KAZN: variants seen among roughly 807,000 people sequenced by gnomAD.
The protein encoded by KAZN is kazrin.
Under a neutral mutation model 87.4 loss-of-function variants are expected in KAZN, and 40 were observed. That is an observed-to-expected ratio of 0.46 (90% CI 0.36 to 0.60). The LOEUF (loss-of-function observed/expected upper bound fraction) is 0.60. KAZN is among the 20% of genes least tolerant of loss of function. The pLI is 0.00. For missense variants in KAZN, 898 were observed against 1,073.9 expected, an observed-to-expected ratio of 0.84 and a Z score of 2.29; for synonymous variants, 466 against 458.3, an observed-to-expected ratio of 1.02 and a Z score of -0.22.
chr1:15,076,487 CAT>C (rs2100611882), intron 8 of KAZN, among the ~76,000 whole-genome samples: 1 of 152,300 alleles, frequency 6.6e-6, no homozygotes, highest in East Asian at 1.9e-4. Context: ...GGAGATAAAA[CAT>C]ATTGGCTGTT....
intron 2 of KAZN, among the ~76,000 whole-genome samples, chr1:14,387,889 A>G (rs996019000): frequency 6.6e-6 from 1 of 152,188 alleles, no homozygotes; most frequent in Non-Finnish European, 1.5e-5. Context: ...AAGCCTGGGC[A>G]ATGGCGGGCG....
At chr1:13,952,697 G>A (rs2101001188) in intron 1 of KAZN, among the ~76,000 whole-genome samples, 1 of 152,174 alleles carries the variant, frequency 6.6e-6, no homozygotes, top group East Asian at 1.9e-4. Flanking sequence ...CAACCTGTGT[G>A]CACACAGACG....
intron 1 of KAZN, chr1:14,946,217 C>G (rs895568990): frequency 6.6e-6 from 1 of 152,076 alleles, no homozygotes; most frequent in South Asian, 2.1e-4. Context: ...TTGCCGGAAA[C>G]GCCCACTAGG....
At chr1:14,416,083 C>CA (rs1453784861) in intron 2 of KAZN, among the ~76,000 whole-genome samples, 2 of 152,198 alleles carry the variant, frequency 1.3e-5, no homozygotes, top group African/African-American at 4.8e-5. Flanking sequence ...TCTCCTGCTT[C>CA]ATGAACTTAA....
At chr1:14,307,250 G>A (rs572616813) in intron 2 of KAZN, among the ~76,000 whole-genome samples, 1 of 152,144 alleles carries the variant, frequency 6.6e-6, no homozygotes, top group East Asian at 1.9e-4. Context: ...CTCTGCCTTG[G>A]GCATGACTTA....
At chr1:14,406,097 T>C (rs1381062327) in intron 2 of KAZN, among the ~76,000 whole-genome samples, 1 of 152,122 alleles carries the variant, frequency 6.6e-6, no homozygotes, top group African/African-American at 2.4e-5. Flanking sequence ...ACATAAAGAA[T>C]GTAATTGGCT....
chr1:14,070,099 A>C (rs1191716083), intron 1 of KAZN, among the ~76,000 whole-genome samples: 2 of 147,316 alleles, frequency 1.4e-5, no homozygotes, highest in East Asian at 4.2e-4. Context: ...AACCTGAGAA[A>C]CGGAGGTTGC....
At chr1:13,951,623 G>GATAATAATA (rs6143132) in intron 1 of KAZN, among the ~76,000 whole-genome samples, 57 of 148,498 alleles carry the variant, frequency 3.8e-4, no homozygotes, top group East Asian at 1.4e-3. Flanking sequence ...CTAAAATGGA[G>GATAATAATA]ATAATAATAA....
chr1:14,144,016 C>T (rs1645294875), intron 1 of KAZN, among the ~76,000 whole-genome samples: 1 of 152,080 alleles, frequency 6.6e-6, no homozygotes, highest in Non-Finnish European at 1.5e-5. Context: ...CCGCACCTGG[C>T]CAACTAGTTT....
At position 14,180,459 on chromosome 1, in the gene KAZN, A is replaced by G. The variant is rs1210719282; in HGVS notation, c.116A>G (p.Asn39Ser). 1.2e-5 allele frequency: 18 copies of G among 1,550,136 alleles called. No homozygotes were observed. In the Admixed American group the frequency reaches 2.4e-4, roughly 20 times the overall value. Reference sequence around the variant, plus strand: ...GCTGTGCAATCATTGCACACCCTCAATGACCAGATTTCCCATTTTATTGTC... The same window carrying G: ...GCTGTGCAATCATTGCACACCCTCAGTGACCAGATTTCCCATTTTATTGTC... The change falls in exon 2 of 17, where the codon AAT becomes AGT. Residue 39 changes from asparagine (N) to serine (S), a missense_variant. Asn to Ser is a conservative substitution (Grantham distance 46). Coordinates refer to the KAZN transcript ENST00000636203.
intron 2 of KAZN, among the ~76,000 whole-genome samples, chr1:14,530,497 G>C (rs1422953222): frequency 6.6e-6 from 1 of 152,146 alleles, no homozygotes; most frequent in East Asian, 1.9e-4. Context: ...GGGCCTGGTG[G>C]GAGGTGTTTT....
chr1:14,555,062 A>C (rs1165339340), intron 2 of KAZN, among the ~76,000 whole-genome samples: 2 of 152,224 alleles, frequency 1.3e-5, no homozygotes, highest in African/African-American at 2.4e-5. Flanking sequence ...TACCTCTCCA[A>C]GAGTTCTGGG....
intron 1 of KAZN, among the ~76,000 whole-genome samples, chr1:14,685,692 A>G (rs887929165): frequency 6.6e-6 from 1 of 152,186 alleles, no homozygotes; most frequent in Non-Finnish European, 1.5e-5. Flanking sequence ...GTTAGGAGTC[A>G]ATTGCTTTGG....
At chr1:13,904,895 G>C (rs1264526036) in intron 1 of KAZN, among the ~76,000 whole-genome samples, 1 of 152,084 alleles carries the variant, frequency 6.6e-6, no homozygotes, top group East Asian at 1.9e-4. Context: ...TTTGTGACTT[G>C]TGTTAGACTT....
At chr1:14,658,887 G>C (rs1187583311) in intron 1 of KAZN, among the ~76,000 whole-genome samples, 1 of 152,184 alleles carries the variant, frequency 6.6e-6, no homozygotes, top group Non-Finnish European at 1.5e-5. Flanking sequence ...GAATGTTTAA[G>C]AGACTGGCAA....
At chr1:14,839,336 G>A (rs1647660398) in intron 1 of KAZN, among the ~76,000 whole-genome samples, 1 of 152,142 alleles carries the variant, frequency 6.6e-6, no homozygotes, top group Admixed American at 6.5e-5. Flanking sequence ...CTGGGTGTGA[G>A]GAAGTTCACT....
intron 1 of KAZN, among the ~76,000 whole-genome samples, chr1:14,021,953 CTTTTTTTTT>C (rs141959214): frequency 2.6e-5 from 3 of 114,278 alleles, no homozygotes; most frequent in East Asian, 2.7e-4. Context: ...AATGAACATG[CTTTTTTTTT>C]TTTTTTTTTT....
At chr1:14,007,461 C>T (rs918628778) in intron 1 of KAZN, among the ~76,000 whole-genome samples, 3 of 152,068 alleles carry the variant, frequency 2.0e-5, no homozygotes, top group Non-Finnish European at 4.4e-5. Context: ...AATGCCATTC[C>T]CAAGCAGATA....
intron 2 of KAZN, among the ~76,000 whole-genome samples, chr1:14,233,373 A>G (rs539918475): frequency 1.2e-4 from 19 of 152,144 alleles, no homozygotes; most frequent in Non-Finnish European, 2.6e-4. Context: ...AGGTTCAAGC[A>G]ATCCTATTGC....
Sources: gnomAD v4.1 joint callset for allele counts (sites outside exome capture counted in the v4.1 genomes callset) on GRCh38, gnomAD v4.1.1 for gene constraint, MANE v1.5 for transcripts, NCBI Gene and HGNC (gene_info 2026-07-23, HGNC 2026-07-21) for gene names.